Variants in DNAJB14 observed in about 807,000 individuals in gnomAD.
The protein encoded by DNAJB14 is dnaJ homolog subfamily B member 14.
In DNAJB14, 22 loss-of-function variants were observed where a neutral mutation model predicts 48.4. That is an observed-to-expected ratio of 0.45 (90% CI 0.32 to 0.65). The LOEUF is 0.65. Among genes scored for constraint, DNAJB14 ranks in the 30% least tolerant of loss-of-function variants. DNAJB14 has a pLI of 0.03. For missense variants in DNAJB14, 319 were observed against 458.8 expected, an observed-to-expected ratio of 0.70 and a Z score of 2.78; for synonymous variants, 142 against 158.7, an observed-to-expected ratio of 0.89 and a Z score of 0.79.
At chr4:99,905,445 A>G (rs1725429629) in intron 6 of DNAJB14, 152 bp downstream of exon 6, 8 of 549,004 alleles carry the variant, frequency 1.5e-5, no homozygotes, top group Non-Finnish European at 2.6e-5. Context: ...TAAAGTAACT[A>G]TTTTAAAAAA....
chr4:99,924,805 T>C (rs1726190180), intron 2 of DNAJB14: 1 of 1,581,796 alleles, frequency 6.3e-7, no homozygotes, highest in African/African-American at 1.3e-5. Flanking sequence ...TGTTCCAATA[T>C]CCATAAAGCT....
chr4:99,905,772 G>A (rs528814037), intron 5 of DNAJB14, 66 bp from the exon 6 acceptor site: 2 of 1,507,932 alleles, frequency 1.3e-6, no homozygotes, highest in African/African-American at 1.4e-5. Flanking sequence ...TACAACAGTT[G>A]TCATACATTT....
intron 4 of DNAJB14, among the ~76,000 whole-genome samples, chr4:99,907,712 C>T (rs1266775942): frequency 6.6e-6 from 1 of 152,040 alleles, no homozygotes; most frequent in Admixed American, 6.6e-5. Flanking sequence ...CACAACCTTT[C>T]TCAATAATAT....
At position 99,900,829 on chromosome 4, in the gene DNAJB14, G is replaced by A. The variant is rs182499811; in HGVS notation, c.*199C>T. 10 of 417,436 alleles carry A rather than the reference G, an allele frequency of 2.4e-5. No individual in the cohort carries two copies. Among genetic ancestry groups the A allele is most frequent in the Admixed American group, 4.4e-5 (1 of 22,546 alleles). 25.9% of individuals were successfully genotyped at this position (417,436 alleles called of 1,614,324 possible). On this transcript the variant is annotated 3_prime_UTR_variant, in exon 8 of 8. Coordinates refer to ENST00000442697, the MANE Select transcript of DNAJB14 (RefSeq NM_001031723.4). ...TTAAAATGAAAATACTTGTAGAAGC[G>A]TTAACTAAAATATTCCATTTTAGTT...
intron 3 of DNAJB14, among the ~76,000 whole-genome samples, chr4:99,922,343 G>A (rs551775197): frequency 6.6e-6 from 1 of 152,212 alleles, no homozygotes; most frequent in African/African-American, 2.4e-5. Flanking sequence ...GTTTATGAAT[G>A]CCAAATTCAC....
chr4:99,935,243 G>A (rs1726629156), intron 1 of DNAJB14, among the ~76,000 whole-genome samples: 1 of 152,096 alleles, frequency 6.6e-6, no homozygotes, highest in African/African-American at 2.4e-5. Flanking sequence ...AAGAGCAAAT[G>A]ACTTATAAAG....
At chr4:99,941,986 A>T (rs746532665) in intron 1 of DNAJB14, 1 of 152,134 alleles carries the variant, frequency 6.6e-6, no homozygotes, top group Non-Finnish European at 1.5e-5. Flanking sequence ...GACTGAAATT[A>T]TCTTAAAAAG....
intron 2 of DNAJB14, chr4:99,923,742 G>C (rs1429029073): frequency 1.0e-6 from 1 of 962,146 alleles, no homozygotes; most frequent in Admixed American, 6.2e-5. Flanking sequence ...TGTTATGTTG[G>C]GGCTGAGGCT....
chr4:99,911,423 C>T (rs1042549846), intron 3 of DNAJB14, among the ~76,000 whole-genome samples: 1 of 152,118 alleles, frequency 6.6e-6, no homozygotes. Context: ...GAGTGCATTG[C>T]TGGGTTGTAT....
At chr4:99,909,827 A>C (rs1725598088) in intron 3 of DNAJB14, among the ~76,000 whole-genome samples, 1 of 152,052 alleles carries the variant, frequency 6.6e-6, no homozygotes, top group Admixed American at 6.6e-5. Flanking sequence ...AGACTACCTG[A>C]AACTAATCCA....
chr4:99,919,129 T>C (rs1322213318), intron 3 of DNAJB14, among the ~76,000 whole-genome samples: 1 of 152,128 alleles, frequency 6.6e-6, no homozygotes, highest in Non-Finnish European at 1.5e-5. Context: ...CCTGTGGTGT[T>C]TGCAGTAGAG....
At chr4:99,923,574 C>T in intron 2 of DNAJB14, 6 of 684,218 alleles carry the variant, frequency 8.8e-6, no homozygotes, top group Non-Finnish European at 1.1e-5. Context: ...AAGTATGTCA[C>T]AGCTAAGAAT....
chr4:99,901,330 AT>A (rs1355982043), intron 7 of DNAJB14, among the ~76,000 whole-genome samples, 178 bp from the exon 8 acceptor site: 2 of 152,146 alleles, frequency 1.3e-5, no homozygotes, highest in Admixed American at 6.6e-5. Flanking sequence ...TGAAAACTTT[AT>A]TTGAAGTATA....
chr4:99,919,554 A>G (rs1269002385), intron 3 of DNAJB14, among the ~76,000 whole-genome samples: 2 of 152,060 alleles, frequency 1.3e-5, no homozygotes, highest in Non-Finnish European at 2.9e-5. Flanking sequence ...ACTGCATTCC[A>G]GCCTGGGTGA....
chr4:99,925,047 C>T (rs1405207998), intron 2 of DNAJB14: 2 of 476,450 alleles, frequency 4.2e-6, no homozygotes, highest in African/African-American at 4.0e-5. Context: ...CACTGTCATC[C>T]CTTGGTATCC....
At chr4:99,927,730 G>A (rs972550320) in intron 2 of DNAJB14, 1 of 152,166 alleles carries the variant, frequency 6.6e-6, no homozygotes, top group Non-Finnish European at 1.5e-5. Context: ...TGCAATGGAT[G>A]CAGTATTATT....
At position 99,946,601 on chromosome 4, in the gene DNAJB14, A is replaced by G; in HGVS notation, c.-30T>C. The stretch of plus-strand genomic sequence containing the variant: ...TGCTCCTTCTTCCGTTTCCTCCGGC[A>G]GCGCAGCTAAGAAGGGCGGAAGCCG... On this transcript the variant is annotated 5_prime_UTR_variant, in exon 1 of 8. Transcript: ENST00000442697. 3.1e-6 allele frequency: 5 copies of G among 1,611,054 alleles called. No individual in the cohort carries two copies. Among genetic ancestry groups the G allele is most frequent in the Non-Finnish European group, 4.2e-6 (5 of 1,178,122 alleles).
intron 1 of DNAJB14, 128 bp from the exon 2 acceptor site, chr4:99,930,749 T>C: frequency 1.0e-6 from 1 of 960,408 alleles, no homozygotes; most frequent in Admixed American, 3.1e-5. Flanking sequence ...AGGATCTTTT[T>C]AATTAGCACG....
chr4:99,946,461 G>C lies in DNAJB14; in HGVS notation c.111C>G (p.Leu37=). The change falls in exon 1 of 8, where the codon CTC becomes CTG. Residue 37 remains leucine (L), a synonymous_variant. Transcript: ENST00000442697. ...CACCGCGGGCCGAGGGCAGTGGGTA[G>C]AGCTTCTCGGCCTTCTGCAGGAAGC... ...AQRFLQKAEK[L]YPLPSARALL... 1 of 1,613,294 alleles carries C rather than the reference G, an allele frequency of 6.2e-7. No individual in the cohort carries two copies. Among genetic ancestry groups the C allele is most frequent in the Non-Finnish European group, 8.5e-7 (1 of 1,179,594 alleles).
Sources: gnomAD v4.1 joint callset for allele counts (sites outside exome capture counted in the v4.1 genomes callset) on GRCh38, gnomAD v4.1.1 for gene constraint, MANE v1.5 for transcripts, NCBI Gene and HGNC (gene_info 2026-07-23, HGNC 2026-07-21) for gene names.